Variants in PABIR3 observed in about 807,000 individuals in gnomAD.
The protein encoded by PABIR3 is PABIR family member 1.
In PABIR3, 20 loss-of-function variants were observed where a neutral mutation model predicts 23.1. The ratio of observed to expected loss-of-function variants is 0.86; its 90% CI spans 0.61 to 1.26. The LOEUF is 1.26. PABIR3 is among the 50% of genes most tolerant of loss of function. The pLI is 0.00. For missense variants in PABIR3, 189 were observed against 195.4 expected, an observed-to-expected ratio of 0.97 and a Z score of 0.20; for synonymous variants, 69 against 68.5, an observed-to-expected ratio of 1.01 and a Z score of -0.04.
At chrX:134,802,581 G>A (rs1391231499), upstream of PABIR3, among the ~76,000 whole-genome samples, 1 of 112,458 alleles carries the variant, frequency 8.9e-6, no homozygotes, top group Non-Finnish European at 1.9e-5. Context: ...ATTTGGGAAC[G>A]TCCAGAGCAG....
intron 4 of PABIR3, among the ~76,000 whole-genome samples, chrX:134,840,367 CAA>C (rs889066844): frequency 1.8e-5 from 2 of 109,538 alleles, no homozygotes; most frequent in Admixed American, 1.9e-4. Context: ...AAAAAAAAAA[CAA>C]AAAACAAAAA....
chrX:134,824,945 C>T (rs766461597), intron 3 of PABIR3, among the ~76,000 whole-genome samples: 289 of 112,246 alleles, frequency 2.6e-3, no homozygotes, highest in African/African-American at 8.4e-3. Context: ...TGTCCAACAC[C>T]AGGAGTGAAC....
chrX:134,821,486 C>T, intron 3 of PABIR3: 1 of 1,153,072 alleles, frequency 8.7e-7, no homozygotes, highest in Non-Finnish European at 1.1e-6. Flanking sequence ...GGCACTTCTG[C>T]TCAAGCCGGA....
intron 9 of PABIR3, among the ~76,000 whole-genome samples, chrX:134,851,609 A>C (rs905274477): frequency 9.0e-6 from 1 of 111,661 alleles, no homozygotes; most frequent in Non-Finnish European, 1.9e-5. Flanking sequence ...TTGGGCAGCT[A>C]TAAATATCGT....
chrX:134,822,648 A>T, intron 3 of PABIR3: 2 of 749,290 alleles, frequency 2.7e-6, no homozygotes, highest in Non-Finnish European at 3.2e-6. Flanking sequence ...TCTTCTAGGG[A>T]AGTCTTTCAT....
chrX:134,806,630 A>C (rs1029766532), upstream of PABIR3, among the ~76,000 whole-genome samples: 3 of 109,075 alleles, frequency 2.8e-5, no homozygotes, highest in Non-Finnish European at 3.8e-5. Flanking sequence ...AAAAAAAAAA[A>C]CAAAAAACTG....
intron 2 of PABIR3, among the ~76,000 whole-genome samples, chrX:134,811,839 G>C (rs1036189333): frequency 1.8e-5 from 2 of 112,155 alleles, no homozygotes; most frequent in Non-Finnish European, 3.8e-5. Flanking sequence ...CATTTGTTTA[G>C]TTGTTATCTA....
intron 6 of PABIR3, among the ~76,000 whole-genome samples, chrX:134,846,346 G>C (rs2082435642): frequency 8.9e-6 from 1 of 112,006 alleles, no homozygotes; most frequent in Admixed American, 9.6e-5. Flanking sequence ...TTATCAGCCT[G>C]TAACACATTC....
intron 9 of PABIR3, among the ~76,000 whole-genome samples, chrX:134,851,534 T>C (rs895059137): frequency 3.9e-5 from 4 of 102,673 alleles, no homozygotes; most frequent in African/African-American, 1.4e-4. Flanking sequence ...AGACTCTGTC[T>C]GGAAAAAAAA....
At chrX:134,816,511 G>A (rs958220042) in intron 3 of PABIR3, among the ~76,000 whole-genome samples, 34 of 110,880 alleles carry the variant, frequency 3.1e-4, no homozygotes, top group African/African-American at 1.1e-3. Context: ...TAGTAGAGAC[G>A]GGGTTTCATC....
chrX:134,804,374 T>C, upstream of PABIR3: 1 of 489,320 alleles, frequency 2.0e-6, no homozygotes, highest in South Asian at 3.0e-5. Context: ...ATATTCCAAT[T>C]TGTGTATGTA....
intron 3 of PABIR3, among the ~76,000 whole-genome samples, chrX:134,819,604 C>G (rs774492492): frequency 9.0e-6 from 1 of 111,331 alleles, no homozygotes; most frequent in African/African-American, 3.3e-5. Flanking sequence ...ACTTAAACAG[C>G]CTGGGCGAGG....
chrX:134,823,760 T>G (rs1316628958), intron 3 of PABIR3, among the ~76,000 whole-genome samples: 1 of 111,046 alleles, frequency 9.0e-6, no homozygotes, highest in Non-Finnish European at 1.9e-5. Flanking sequence ...CAACACTGTA[T>G]AAATCACAAT....
Position 134,847,378 on chromosome X carries a change from C to T in PABIR3, c.346-5C>T. 2.5e-6 allele frequency: 3 copies of T among 1,189,540 alleles called. No individual in the cohort carries two copies. Among genetic ancestry groups the T allele is most frequent in the Non-Finnish European group, 3.4e-6 (3 of 877,334 alleles). Reference sequence around the variant, plus strand: ...ACAATTGTACACTGCTTTCTGCTTACACAGAATGACAATGGCTTACAGAAA... The same window carrying T: ...ACAATTGTACACTGCTTTCTGCTTATACAGAATGACAATGGCTTACAGAAA... On this transcript the variant is annotated splice_region_variant and splice_polypyrimidine_tract_variant and intron_variant, in intron 6 of 10. Transcript: ENST00000645433.
chrX:134,841,279 G>A (rs915325333), intron 4 of PABIR3, among the ~76,000 whole-genome samples: 8 of 110,517 alleles, frequency 7.2e-5, no homozygotes, highest in African/African-American at 2.6e-4. Flanking sequence ...TAATTCTTTC[G>A]CACAACTCAC....
intron 4 of PABIR3, among the ~76,000 whole-genome samples, chrX:134,843,918 C>A (rs865953477): frequency 1.5e-5 from 1 of 66,027 alleles, no homozygotes; most frequent in African/African-American, 6.8e-5. Context: ...TATGCATGTT[C>A]TTTTTTTTTT....
rs374919785 is a variant in PABIR3 at position 134,849,869 on chromosome X, C to CTTTTTTTT, written c.589+652_589+659dup. On this transcript the variant is annotated intron_variant, in intron 9 of 10. Transcript: ENST00000645433. ...ACCTCACTAAATTATGCTCTTCTTCCTTTTTTTTTTTTTTTTTTCTTGAGA... is the reference window on the plus strand; with the variant it reads ...ACCTCACTAAATTATGCTCTTCTTCCTTTTTTTTTTTTTTTTTTTTTTTTTTCTTGAGA... Among the ~76,000 whole-genome samples the CTTTTTTTT allele has an allele frequency of 1.9e-3, 109 of 58,848 alleles. 21 individuals are homozygous for CTTTTTTTT. The highest frequency in any genetic ancestry group is 5.9e-3 in the South Asian group (3 of 505). The allele number at this position is 58,848 out of a possible 115,157, so 51.1% of individuals were successfully genotyped here. A position where few individuals can be genotyped will look rare whatever the true frequency, so the allele number is the denominator to read the frequency against.
At chrX:134,797,277 C>T (rs916944027) in intron 1 of PABIR3, 2 of 113,817 alleles carry the variant, frequency 1.8e-5, no homozygotes, top group African/African-American at 6.4e-5. Context: ...GCCTCGAAAT[C>T]CGCCTCCAAA....
At chrX:134,847,285 C>T (rs1348575221) in intron 6 of PABIR3, 98 bp from the exon 7 acceptor site, 2 of 577,482 alleles carry the variant, frequency 3.5e-6, no homozygotes, top group Admixed American at 5.4e-5. Context: ...GCCAGTGACT[C>T]AGTAGTAAGG....
Sources: gnomAD v4.1 joint callset for allele counts (sites outside exome capture counted in the v4.1 genomes callset) on GRCh38, gnomAD v4.1.1 for gene constraint, MANE v1.5 for transcripts, NCBI Gene and HGNC (gene_info 2026-07-23, HGNC 2026-07-21) for gene names.